GSDME: variants seen among roughly 807,000 people sequenced by gnomAD.
GSDME encodes the protein gasdermin E.
A neutral mutation model predicts 47.5 loss-of-function variants in GSDME; 44 were observed. That is an observed-to-expected ratio of 0.93 (90% CI 0.73 to 1.19). The LOEUF (loss-of-function observed/expected upper bound fraction) is 1.19, where lower values mean the gene tolerates loss of function less well. Among genes scored for constraint, GSDME ranks in the 50% most tolerant of loss-of-function variants. The pLI is 0.00. For missense variants in GSDME, 663 were observed against 604.2 expected (o/e 1.10, Z -1.02); for synonymous variants, 258 against 252.8 (o/e 1.02, Z -0.20).
chr7:24,709,050 G>T (rs771234873), intron 6 of GSDME, among the ~76,000 whole-genome samples: 1 of 152,214 alleles, frequency 6.6e-6, no homozygotes, highest in African/African-American at 2.4e-5. Context: ...GAGGATGGAC[G>T]ATTCCAACTA....
the GSDME span, among the ~76,000 whole-genome samples, chr7:24,776,442 C>T: frequency 6.6e-6 from 1 of 152,082 alleles, no homozygotes; most frequent in Non-Finnish European, 1.5e-5. Context: ...AATAAACTCC[C>T]GTGTCCACCA....
chr7:24,787,965 A>G, the GSDME span, among the ~76,000 whole-genome samples: 1 of 152,308 alleles, frequency 6.6e-6, no homozygotes. This position sits in a 1 kb window ranked among gnomAD's most constrained non-coding sequence, Gnocchi z 5.0. Flanking sequence ...TCGGCCTCCC[A>G]AAGTGCTGGG....
At chr7:24,790,439 G>A in the GSDME span, among the ~76,000 whole-genome samples, 8 of 152,182 alleles carry the variant, frequency 5.3e-5, no homozygotes. The surrounding 1 kb of genome is among the most constrained non-coding windows in gnomAD (Gnocchi z 4.1). Context: ...CATAGACAGG[G>A]AAGCCCAGGA....
chr7:24,794,291 CTTT>C, the GSDME span, among the ~76,000 whole-genome samples: 1 of 110,410 alleles, frequency 9.1e-6, no homozygotes, highest in East Asian at 3.9e-4. Flanking sequence ...CTCTCTCTCT[CTTT>C]CTCTCCTCTC....
the GSDME span, among the ~76,000 whole-genome samples, chr7:24,777,948 A>T: frequency 6.6e-6 from 1 of 152,094 alleles, no homozygotes; most frequent in Non-Finnish European, 1.5e-5. Context: ...TATGTGATTT[A>T]AAAAAGAAAA....
the GSDME span, among the ~76,000 whole-genome samples, chr7:24,764,089 C>T: frequency 6.6e-6 from 1 of 152,170 alleles, no homozygotes; most frequent in Non-Finnish European, 1.5e-5. The surrounding 1 kb of genome is among the most constrained non-coding windows in gnomAD (Gnocchi z 4.4). Context: ...ACTGATACAA[C>T]TTCTTAGCTG....
At chr7:24,713,336 A>T (rs1290289771) in intron 5 of GSDME, among the ~76,000 whole-genome samples, 1 of 152,150 alleles carries the variant, frequency 6.6e-6, no homozygotes, top group Non-Finnish European at 1.5e-5. Context: ...GAAGGTTGGA[A>T]AATCCTTCAG....
At chr7:24,765,467 T>C in the GSDME span, among the ~76,000 whole-genome samples, 11 of 152,232 alleles carry the variant, frequency 7.2e-5, no homozygotes, top group Admixed American at 6.5e-5. Context: ...TCACTGGATG[T>C]GTTAGGTTAC....
At chr7:24,794,521 T>C in the GSDME span, among the ~76,000 whole-genome samples, 2 of 152,190 alleles carry the variant, frequency 1.3e-5, no homozygotes. Flanking sequence ...CACGTATCTA[T>C]GTATGGAAAC....
chr7:24,749,830 G>A lies in GSDME; in HGVS notation c.-19-37C>T, dbSNP rs10235527. ...AAGTTATCCTAAAATCAAATAAGAA[G>A]TTACTATTTTGTGGCTTTTTTCCCT... is the stretch of plus-strand genomic sequence containing the variant. On this transcript the variant is annotated intron_variant, in intron 1 of 9. Transcript: ENST00000645220. 192,274 of 1,439,570 alleles carry A rather than the reference G, an allele frequency of 0.13. 14,224 individuals carry two copies. The highest frequency in any genetic ancestry group is 0.25 in the Admixed American group (14,463 of 58,764). The allele number at this position is 1,439,570 out of a possible 1,614,324, so 89.2% of individuals were successfully genotyped here. A position where few individuals can be genotyped will look rare whatever the true frequency, so the allele number is the denominator to read the frequency against.
the GSDME span, among the ~76,000 whole-genome samples, chr7:24,767,913 A>C: frequency 0.059 from 8,969 of 152,200 alleles, 619 homozygotes; most frequent in African/African-American, 0.16. This position sits in a 1 kb window ranked among gnomAD's most constrained non-coding sequence, Gnocchi z 5.3. Context: ...TGCTTTATTA[A>C]TGTTTTATTA....
chr7:24,769,248 C>CTGAACTGTAACTGA, the GSDME span, among the ~76,000 whole-genome samples: 2 of 152,162 alleles, frequency 1.3e-5, no homozygotes, highest in Non-Finnish European at 2.9e-5. Flanking sequence ...ATGGGAAACC[C>CTGAACTGTAACTGA]TGAACTGTAA....
At chr7:24,771,903 T>A in the GSDME span, among the ~76,000 whole-genome samples, 2 of 152,186 alleles carry the variant, frequency 1.3e-5, no homozygotes, top group African/African-American at 4.8e-5. This position sits in a 1 kb window ranked among gnomAD's most constrained non-coding sequence, Gnocchi z 4.1. Flanking sequence ...CCTGAGAGCA[T>A]CCCTGACGTG....
Position 24,708,264 on chromosome 7 carries a change from CAA to C in GSDME, c.863-12_863-11del. 2 of 1,613,936 alleles carry C rather than the reference CAA, an allele frequency of 1.2e-6. No homozygotes were observed. Among genetic ancestry groups the C allele is most frequent in the Non-Finnish European group, 8.5e-7 (1 of 1,180,032 alleles). ...TCCAGGAGCAGGGTCGCTGTGAAAACAAAGCACACCCAAGTCTCATGACTGCG... is the reference window on the plus strand; with the variant it reads ...TCCAGGAGCAGGGTCGCTGTGAAAACAGCACACCCAAGTCTCATGACTGCG... On this transcript the variant is annotated splice_polypyrimidine_tract_variant and intron_variant, in intron 6 of 9. Transcript: ENST00000645220.
intron 3 of GSDME, among the ~76,000 whole-genome samples, chr7:24,730,459 C>T (rs570783902): frequency 3.3e-5 from 5 of 152,266 alleles, no homozygotes; most frequent in African/African-American, 1.2e-4. Flanking sequence ...GAAAATAGTA[C>T]TTGAATGATT....
In GSDME at chr7:24,739,799, A is replaced by C. The variant is rs1790428829; in HGVS notation, c.404+4763T>G. On this transcript the variant is annotated intron_variant, in intron 3 of 9. Coordinates refer to ENST00000645220, the MANE Select transcript of GSDME (RefSeq NM_001127453.2). The surrounding 1 kb of genome is among the most constrained non-coding windows in gnomAD (Gnocchi z 5.1). ...AGAGTACTATTTAGTCATTAAAAAA[A>C]GAGTAAGATCCTGGGCTGGGCGCAG... Among the ~76,000 whole-genome samples, 1 of 152,224 alleles carries C rather than the reference A, an allele frequency of 6.6e-6. No individual in the cohort carries two copies. Among genetic ancestry groups the C allele is most frequent in the Non-Finnish European group, 1.5e-5 (1 of 68,044 alleles).
chr7:24,768,077 C>T, the GSDME span, among the ~76,000 whole-genome samples: 2 of 152,192 alleles, frequency 1.3e-5, no homozygotes, highest in African/African-American at 4.8e-5. The surrounding 1 kb of genome is among the most constrained non-coding windows in gnomAD (Gnocchi z 5.6). Flanking sequence ...AAGGCTGCCC[C>T]CAGCTGGTTT....
intron 8 of GSDME, chr7:24,704,718 CAG>C (rs1339009764): frequency 1.4e-4 from 21 of 150,732 alleles, no homozygotes; most frequent in Admixed American, 1.3e-3. Context: ...TGCAAGCTTG[CAG>C]AGATTTTTTT....
At position 24,706,118 on chromosome 7, in the gene GSDME, C is replaced by CATAG. The variant is rs1789089327; in HGVS notation, c.1183+62_1183+65dup. 3.2e-5 allele frequency: 51 copies of CATAG among 1,579,412 alleles called. 1 individual carries two copies. In the South Asian group the frequency reaches 5.6e-4, roughly 17 times the overall value. On this transcript the variant is annotated intron_variant, in intron 8 of 9. Coordinates refer to ENST00000645220, the MANE Select transcript of GSDME (RefSeq NM_001127453.2). ...GTTACCACCTCTGTGTCCCCAGAAG[C>CATAG]ATAGATAGTAGGCAAAGCATTTTAA...
Sources: gnomAD v4.1 joint callset for allele counts (sites outside exome capture counted in the v4.1 genomes callset) on GRCh38, gnomAD v4.1.1 for gene constraint, Gnocchi (gnomAD v3.1) non-coding constraint, MANE v1.5 for transcripts, NCBI Gene and HGNC (gene_info 2026-07-23, HGNC 2026-07-21) for gene names.